The following SLC26A5 variants were observed in gnomAD, a reference collection of about 807,000 sequenced individuals.
SLC26A5 encodes solute carrier family 26 member 5.
Under a neutral mutation model 81.0 loss-of-function variants are expected in SLC26A5, and 51 were observed. The observed-to-expected ratio is 0.63, with a 90% CI of 0.50 to 0.80. SLC26A5 has a LOEUF of 0.80. SLC26A5 is among the 30% of genes least tolerant of loss of function. The probability of loss-of-function intolerance (pLI) is 0.00; values close to 1 mark genes in which losing one functional copy is unlikely to be tolerated. For synonymous variants in SLC26A5, 325 were observed against 332.8 expected (o/e 0.98, Z 0.25); for missense variants, 771 against 905.8 (o/e 0.85, Z 1.91).
chr7:103,392,842 G>T (rs570422326), intron 10 of SLC26A5, 77 bp downstream of exon 10: 83 of 1,583,146 alleles, frequency 5.2e-5, no homozygotes, highest in Non-Finnish European at 7.0e-5. Context: ...CTCCCGAAGT[G>T]CTGGGATTAC....
intron 9 of SLC26A5, among the ~76,000 whole-genome samples, chr7:103,395,713 G>A (rs951785384): frequency 7.3e-5 from 11 of 151,364 alleles, no homozygotes; most frequent in Admixed American, 2.6e-4. Context: ...TAGAGATGGG[G>A]TTTCACCATG....
intron 4 of SLC26A5, among the ~76,000 whole-genome samples, chr7:103,417,809 C>T (rs993224674): frequency 2.0e-5 from 3 of 152,140 alleles, no homozygotes; most frequent in African/African-American, 7.2e-5. Context: ...AGTGCAATGG[C>T]ATGATCTCAG....
At chr7:103,428,180 C>T (rs1410684381) in intron 2 of SLC26A5, among the ~76,000 whole-genome samples, 2 of 152,058 alleles carry the variant, frequency 1.3e-5, no homozygotes, top group Non-Finnish European at 2.9e-5. Flanking sequence ...TTTAATAATT[C>T]TAGAATCTGT....
intron 2 of SLC26A5, among the ~76,000 whole-genome samples, chr7:103,433,717 T>G (rs1052339020): frequency 2.0e-5 from 3 of 149,874 alleles, no homozygotes; most frequent in African/African-American, 4.9e-5. Context: ...TTTTTTTTTT[T>G]TTTGAGACAG....
intron 15 of SLC26A5, 26 bp downstream of exon 15, chr7:103,380,454 T>G (rs1396842340): frequency 6.3e-7 from 1 of 1,596,196 alleles, no homozygotes; most frequent in Non-Finnish European, 8.6e-7. Context: ...CTTACAACCT[T>G]TTTAAGTGAT....
At chr7:103,375,567 A>G (rs1025906920) in intron 19 of SLC26A5, among the ~76,000 whole-genome samples, 1 of 152,032 alleles carries the variant, frequency 6.6e-6, no homozygotes, top group Admixed American at 6.6e-5. Flanking sequence ...CTTTATGAAG[A>G]TTTCATTTTC....
At chr7:103,432,768 GA>G (rs1826173489) in intron 2 of SLC26A5, among the ~76,000 whole-genome samples, 1 of 152,058 alleles carries the variant, frequency 6.6e-6, no homozygotes, top group Non-Finnish European at 1.5e-5. Flanking sequence ...TTTAATTGTG[GA>G]AGGGGAGGAG....
chr7:103,409,134 ACTT>A (rs1316534213), intron 7 of SLC26A5, among the ~76,000 whole-genome samples: 7 of 152,356 alleles, frequency 4.6e-5, no homozygotes, highest in Middle Eastern at 6.8e-3. Context: ...AGCAGCTGGT[ACTT>A]CTTCTTCATA....
intron 2 of SLC26A5, among the ~76,000 whole-genome samples, chr7:103,439,528 GTTGTTTGT>G (rs1554351272): frequency 6.7e-6 from 1 of 148,404 alleles, no homozygotes; most frequent in East Asian, 2.0e-4. Context: ...GTCTGTTGTT[GTTGTTTGT>G]TTGTTTGTTT....
intron 12 of SLC26A5, among the ~76,000 whole-genome samples, chr7:103,389,732 C>T (rs1822493635): frequency 6.6e-6 from 1 of 152,164 alleles, no homozygotes; most frequent in East Asian, 1.9e-4. Context: ...AAGCAATTCT[C>T]CTGCCTCAAC....
In SLC26A5 at chr7:103,418,716, C is replaced by T. The variant is rs1185355031; in HGVS notation, c.292+2022G>A. Among the ~76,000 whole-genome samples the T allele has an allele frequency of 2.6e-5, 4 of 152,246 alleles. No homozygotes were observed. The South Asian group carries it at 6.2e-4, about 24-fold the overall frequency. ...GACAAGTTATTTTTTTGGAAACTGG[C>T]TAGAAGGGAATTGATTTTTGGCCAG... On this transcript the variant is annotated intron_variant, in intron 4 of 19. Coordinates refer to ENST00000306312, the MANE Select transcript of SLC26A5 (RefSeq NM_198999.3).
intron 19 of SLC26A5, among the ~76,000 whole-genome samples, chr7:103,375,842 G>A (rs1586202045): frequency 6.6e-6 from 1 of 151,714 alleles, no homozygotes; most frequent in Middle Eastern, 3.4e-3. Context: ...TGCAACCTCC[G>A]CCTCCTGGGT....
chr7:103,387,447 C>T (rs929392242), intron 14 of SLC26A5, among the ~76,000 whole-genome samples: 10 of 152,114 alleles, frequency 6.6e-5, no homozygotes, highest in Non-Finnish European at 1.2e-4. Context: ...TTTTCATTTC[C>T]CTCTGTGTTA....
rs544311907 is a variant in SLC26A5, at chr7:103,383,793, G to A, written c.1515-3244C>T. Among the ~76,000 whole-genome samples the A allele has an allele frequency of 1.6e-4, 24 of 152,208 alleles. No individual in the cohort carries two copies. In the South Asian group the frequency reaches 3.5e-3, roughly 22 times the overall value. The stretch of plus-strand genomic sequence containing the variant: ...AGGCTCTAGTGATCCTTGTGCCTCA[G>A]CTTCCTGAGTAGCTGGGACTATAGG... On this transcript the variant is annotated intron_variant, in intron 14 of 19. Transcript: ENST00000306312.
At position 103,376,811 on chromosome 7, in the gene SLC26A5, T is replaced by C. The variant is rs374295152; in HGVS notation, c.2038A>G (p.Ser680Gly). Reference sequence around the variant, plus strand: ...CCCATCTTAGAGGTATACTCACCACTGCATCCTGCTAAGTATACATATATA... The same window carrying C: ...CCCATCTTAGAGGTATACTCACCACCGCATCCTGCTAAGTATACATATATA... ...VGIYVYLAGC[S>G]AQVVNDLTRN... The change falls in exon 19 of 20, where the codon AGT (serine) becomes GGT (glycine). Residue 680 changes from serine (S) to glycine (G), a missense_variant. Transcript: ENST00000306312. 51 of 1,600,854 alleles carry C rather than the reference T, an allele frequency of 3.2e-5. No homozygotes were observed. Among genetic ancestry groups the C allele is most frequent in the Non-Finnish European group, 3.9e-5 (46 of 1,168,632 alleles).
intron 14 of SLC26A5, among the ~76,000 whole-genome samples, chr7:103,385,710 T>C (rs1279485991): frequency 2.7e-5 from 4 of 149,978 alleles, no homozygotes; most frequent in Admixed American, 6.6e-5. Flanking sequence ...TTCTTTTTTT[T>C]TTTTTTTTGA....
At chr7:103,390,393 T>C (rs757120866) in intron 12 of SLC26A5, 36 bp downstream of exon 12, 3 of 1,560,814 alleles carry the variant, frequency 1.9e-6, no homozygotes, top group South Asian at 2.2e-5. Context: ...TCTCTACACA[T>C]GAAAAAAACT....
chr7:103,427,118 G>C (rs1470488298), intron 2 of SLC26A5, among the ~76,000 whole-genome samples: 18 of 150,830 alleles, frequency 1.2e-4, no homozygotes, highest in Admixed American at 9.3e-4. Flanking sequence ...CTGTTGCCTA[G>C]GCTGGAGTGC....
chr7:103,353,781 T>C lies in SLC26A5; in HGVS notation c.2042-855A>G, dbSNP rs930612313. On this transcript the variant is annotated intron_variant, in intron 19 of 19. Coordinates refer to the SLC26A5 transcript ENST00000339444. ...AGTCCAGGAACTATTTGATTGAATATGTATCATCATAATCTTGCTTGATTT... is the reference window on the plus strand; with the variant it reads ...AGTCCAGGAACTATTTGATTGAATACGTATCATCATAATCTTGCTTGATTT... 4 of 710,782 alleles carry C rather than the reference T, an allele frequency of 5.6e-6. No homozygotes were observed. In the East Asian group the frequency reaches 8.2e-5, roughly 15 times the overall value. 44.0% of individuals were successfully genotyped at this position (710,782 alleles called of 1,614,324 possible). A position where few individuals can be genotyped will look rare whatever the true frequency, so the allele number is the denominator to read the frequency against.
Sources: gnomAD v4.1 joint callset for allele counts (sites outside exome capture counted in the v4.1 genomes callset) on GRCh38, gnomAD v4.1.1 for gene constraint, MANE v1.5 for transcripts, NCBI Gene and HGNC (gene_info 2026-07-23, HGNC 2026-07-21) for gene names.